PTPRE: variants seen among roughly 807,000 people sequenced by gnomAD.
The protein encoded by PTPRE is receptor-type tyrosine-protein phosphatase epsilon.
In PTPRE, 51 loss-of-function variants were observed where a neutral mutation model predicts 102.0. The ratio of observed to expected loss-of-function variants is 0.50; its 90% CI spans 0.40 to 0.63. The LOEUF is 0.63. Among genes scored for constraint, PTPRE ranks in the 30% least tolerant of loss-of-function variants. The pLI is 0.00. For missense variants in PTPRE, 752 were observed against 915.1 expected, an observed-to-expected ratio of 0.82 and a Z score of 2.30; for synonymous variants, 345 against 348.2, an observed-to-expected ratio of 0.99 and a Z score of 0.10.
In PTPRE at chr10:128,070,671, T is replaced by G; in HGVS notation, c.1294-137T>G. On this transcript the variant is annotated intron_variant, in intron 14 of 20. Coordinates refer to ENST00000254667, the MANE Select transcript of PTPRE (RefSeq NM_006504.6). The surrounding 1 kb of genome is among the most constrained non-coding windows in gnomAD (Gnocchi z 4.8). ...CTAGGCACACATTTGTATTTCCCAA[T>G]GCTAAGGAGGCTTCCTGGGTTGGAG... 1 of 1,157,910 alleles carries G rather than the reference T, an allele frequency of 8.6e-7. No individual in the cohort carries two copies. The highest frequency in any genetic ancestry group is 1.5e-5 in the African/African-American group (1 of 64,806). The allele number at this position is 1,157,910 out of a possible 1,614,324, so 71.7% of individuals were successfully genotyped here. A position where few individuals can be genotyped will look rare whatever the true frequency, so the allele number is the denominator to read the frequency against.
At chr10:128,052,274 G>A (rs1263055042) in intron 6 of PTPRE, among the ~76,000 whole-genome samples, 2 of 152,136 alleles carry the variant, frequency 1.3e-5, no homozygotes, top group African/African-American at 2.4e-5. Context: ...TCATGAAAGG[G>A]AGACACCAGA....
chr10:128,039,555 T>A (rs1005499384), intron 2 of PTPRE, among the ~76,000 whole-genome samples: 10 of 152,224 alleles, frequency 6.6e-5, no homozygotes, highest in Admixed American at 6.5e-5. Context: ...AATATCCTCA[T>A]AATGGTTTCA....
intron 1 of PTPRE, among the ~76,000 whole-genome samples, chr10:127,926,053 G>A (rs768240881): frequency 3.9e-5 from 6 of 152,186 alleles, no homozygotes; most frequent in African/African-American, 4.8e-5. Context: ...CTTTTGTGAA[G>A]CAGCTAATCT....
chr10:128,067,427 C>T (rs879807346), intron 11 of PTPRE, among the ~76,000 whole-genome samples: 29 of 151,744 alleles, frequency 1.9e-4, no homozygotes, highest in African/African-American at 4.6e-4. Flanking sequence ...CACACGTGTA[C>T]GCACCCACAT....
At chr10:127,930,164 C>T (rs75770910) in intron 1 of PTPRE, among the ~76,000 whole-genome samples, 5,611 of 151,388 alleles carry the variant, frequency 0.037, 144 homozygotes, top group Middle Eastern at 0.072. Context: ...TTTTGGCGTA[C>T]AGCTCCATGA....
chr10:127,999,884 A>G, intron 2 of PTPRE: 1 of 985,418 alleles, frequency 1.0e-6, no homozygotes, highest in African/African-American at 1.7e-5. Context: ...TCAAATTATC[A>G]GCCCAGGAGA....
At chr10:127,960,095 G>A (rs759085204) in intron 1 of PTPRE, among the ~76,000 whole-genome samples, 6 of 152,208 alleles carry the variant, frequency 3.9e-5, no homozygotes, top group South Asian at 2.1e-4. Context: ...AATGGCAGAC[G>A]CAGGTCAGAA....
chr10:128,067,977 T>C (rs1850419805), intron 11 of PTPRE, 146 bp from the exon 12 acceptor site: 5 of 889,836 alleles, frequency 5.6e-6, no homozygotes, highest in Non-Finnish European at 8.4e-6. Flanking sequence ...CCAGGCTGTC[T>C]GGCTCAGGCA....
Position 127,943,303 on chromosome 10 carries a change from C to A in PTPRE, c.-31+35994C>A, listed in dbSNP as rs545772546. ...GATTTTTAAAATTATTTATAAGGAA[C>A]CCCCAAACTTGCCTGGCTGCCAGTC... On this transcript the variant is annotated intron_variant, in intron 1 of 20. Transcript: ENST00000254667. 4.2e-3 allele frequency among the ~76,000 whole-genome samples: 639 copies of A among 152,260 alleles called. 5 individuals carry two copies. Among genetic ancestry groups the A allele is most frequent in the African/African-American group, 0.015 (607 of 41,522 alleles).
At chr10:128,022,208 G>T (rs1221339219) in intron 2 of PTPRE, among the ~76,000 whole-genome samples, 6 of 152,192 alleles carry the variant, frequency 3.9e-5, no homozygotes, top group Non-Finnish European at 8.8e-5. Flanking sequence ...GCACCACCCA[G>T]GCCCCTCCTG....
chr10:127,993,781 G>GTGTT (rs996311453), intron 2 of PTPRE, among the ~76,000 whole-genome samples: 2 of 151,744 alleles, frequency 1.3e-5, no homozygotes, highest in African/African-American at 4.8e-5. Flanking sequence ...GTGTGTGTGT[G>GTGTT]TGTGTGCGTG....
chr10:127,993,053 A>G (rs1382297279), intron 2 of PTPRE, among the ~76,000 whole-genome samples: 1 of 152,192 alleles, frequency 6.6e-6, no homozygotes, highest in Non-Finnish European at 1.5e-5. Context: ...TGCCCCGGTC[A>G]CAGAATCTAG....
At chr10:127,991,650 C>A (rs1852671839) in intron 2 of PTPRE, among the ~76,000 whole-genome samples, 1 of 152,180 alleles carries the variant, frequency 6.6e-6, no homozygotes, top group Admixed American at 6.5e-5. Flanking sequence ...TAATACAAAT[C>A]CAATCCATTT....
intron 7 of PTPRE, among the ~76,000 whole-genome samples, chr10:128,059,562 G>C (rs1849335734): frequency 6.6e-6 from 1 of 152,166 alleles, no homozygotes; most frequent in African/African-American, 2.4e-5. Context: ...AGGACCTAGA[G>C]TTACTCAGTA....
At chr10:128,071,746 G>A (rs956713081) in intron 15 of PTPRE, 1 of 185,272 alleles carries the variant, frequency 5.4e-6, no homozygotes, top group Non-Finnish European at 1.1e-5. Context: ...CTGCAGGCGA[G>A]TAGAGCTCCC....
intron 1 of PTPRE, among the ~76,000 whole-genome samples, chr10:127,953,186 A>G (rs1403198213): frequency 6.6e-6 from 1 of 152,258 alleles, no homozygotes; most frequent in Non-Finnish European, 1.5e-5. Context: ...CAATAGATCC[A>G]GGCTGCTGGG....
intron 7 of PTPRE, among the ~76,000 whole-genome samples, chr10:128,060,054 C>T (rs1849405638): frequency 6.8e-6 from 1 of 146,786 alleles, no homozygotes; most frequent in South Asian, 2.2e-4. Flanking sequence ...ATACCACACA[C>T]ATACACACCA....
intron 1 of PTPRE, among the ~76,000 whole-genome samples, chr10:127,924,415 AG>A (rs1297758994): frequency 6.6e-6 from 1 of 152,166 alleles, no homozygotes; most frequent in African/African-American, 2.4e-5. Flanking sequence ...TAGTAGAGAC[AG>A]GGTTTTGCCA....
intron 1 of PTPRE, among the ~76,000 whole-genome samples, chr10:127,954,508 T>G (rs2135360039): frequency 6.6e-6 from 1 of 152,318 alleles, no homozygotes; most frequent in East Asian, 1.9e-4. Context: ...ACAGCATTGC[T>G]TCTGACCAAG....
Sources: gnomAD v4.1 joint callset for allele counts (sites outside exome capture counted in the v4.1 genomes callset) on GRCh38, gnomAD v4.1.1 for gene constraint, Gnocchi (gnomAD v3.1) non-coding constraint, MANE v1.5 for transcripts, NCBI Gene and HGNC (gene_info 2026-07-23, HGNC 2026-07-21) for gene names.